The following MGAT4C variants were observed in gnomAD, a reference collection of about 807,000 sequenced individuals.
MGAT4C encodes alpha-1,3-mannosyl-glycoprotein 4-beta-N-acetylglucosaminyltransferase C.
Under a neutral mutation model 40.1 loss-of-function variants are expected in MGAT4C, and 19 were observed. The observed-to-expected ratio is 0.47, with a 90% CI of 0.33 to 0.70. The LOEUF (loss-of-function observed/expected upper bound fraction) is 0.70, where lower values mean the gene tolerates loss of function less well. Among genes scored for constraint, MGAT4C ranks in the 30% least tolerant of loss-of-function variants. MGAT4C has a pLI of 0.02. For synonymous variants in MGAT4C, 181 were observed against 187.1 expected (o/e 0.97, Z 0.27); for missense variants, 491 against 563.2 (o/e 0.87, Z 1.30).
At chr12:86,044,680 C>T (rs550629081) in intron 2 of MGAT4C, among the ~76,000 whole-genome samples, 1 of 152,190 alleles carries the variant, frequency 6.6e-6, no homozygotes, top group South Asian at 2.1e-4. Flanking sequence ...TGGTCAGGCA[C>T]AGTCAGCTGT....
intron 1 of MGAT4C, among the ~76,000 whole-genome samples, chr12:86,814,272 ACG>A: frequency 7.1e-5 from 8 of 113,120 alleles, no homozygotes; most frequent in Non-Finnish European, 1.5e-4. Flanking sequence ...ATATACATAT[ACG>A]TATATATATA....
intron 1 of MGAT4C, among the ~76,000 whole-genome samples, chr12:86,756,291 C>T (rs1394680606): frequency 6.6e-6 from 1 of 152,084 alleles, no homozygotes; most frequent in Non-Finnish European, 1.5e-5. Context: ...TCTCTGGTAT[C>T]TCTTCTTATA....
chr12:86,532,642 G>A (rs1959004172), intron 2 of MGAT4C, among the ~76,000 whole-genome samples: 2 of 151,976 alleles, frequency 1.3e-5, no homozygotes, highest in Admixed American at 6.6e-5. Flanking sequence ...TGTAAATTAA[G>A]GCAATAGTAT....
chr12:86,619,440 C>A (rs1239252657), intron 2 of MGAT4C, among the ~76,000 whole-genome samples: 1 of 152,004 alleles, frequency 6.6e-6, no homozygotes, highest in Non-Finnish European at 1.5e-5. Flanking sequence ...ATACTTGCAC[C>A]TCCACATAAT....
At chr12:86,240,287 T>C (rs1009148429) in intron 1 of MGAT4C, among the ~76,000 whole-genome samples, 3 of 151,784 alleles carry the variant, frequency 2.0e-5, no homozygotes, top group Non-Finnish European at 4.4e-5. Flanking sequence ...CCTCTCTAGA[T>C]ATATATGCCC....
intron 1 of MGAT4C, among the ~76,000 whole-genome samples, chr12:86,787,367 CATAA>C (rs1359533994): frequency 1.3e-5 from 2 of 151,996 alleles, no homozygotes; most frequent in Non-Finnish European, 2.9e-5. Flanking sequence ...TATGTGTATG[CATAA>C]ATAGTCTGTT....
At chr12:86,598,398 A>T (rs1050547881) in intron 2 of MGAT4C, among the ~76,000 whole-genome samples, 1 of 152,112 alleles carries the variant, frequency 6.6e-6, no homozygotes, top group Admixed American at 6.5e-5. Flanking sequence ...TATACATCAC[A>T]TTTAAGTATA....
intron 1 of MGAT4C, among the ~76,000 whole-genome samples, chr12:86,815,312 G>C (rs1026111432): frequency 3.9e-5 from 6 of 152,034 alleles, no homozygotes; most frequent in Non-Finnish European, 7.4e-5. Flanking sequence ...CCTTGCTCCT[G>C]TAAGAATGAC....
At chr12:86,520,588 C>T (rs1207127608) in intron 2 of MGAT4C, among the ~76,000 whole-genome samples, 1 of 152,144 alleles carries the variant, frequency 6.6e-6, no homozygotes, top group Non-Finnish European at 1.5e-5. Flanking sequence ...TGGGCATATA[C>T]TCAGTAATTG....
At chr12:86,755,921 T>A (rs954118179) in intron 1 of MGAT4C, among the ~76,000 whole-genome samples, 11 of 152,032 alleles carry the variant, frequency 7.2e-5, no homozygotes, top group Non-Finnish European at 1.0e-4. Context: ...ATGTTGGAGT[T>A]ACAGATGTGA....
chr12:86,655,358 G>A (rs562619614), intron 2 of MGAT4C, among the ~76,000 whole-genome samples: 2 of 152,164 alleles, frequency 1.3e-5, no homozygotes, highest in South Asian at 4.1e-4. Context: ...TGAATAATGT[G>A]TGTTTCACTG....
chr12:86,553,590 G>T (rs1959467262), intron 2 of MGAT4C, among the ~76,000 whole-genome samples: 1 of 151,930 alleles, frequency 6.6e-6, no homozygotes, highest in Non-Finnish European at 1.5e-5. Context: ...CTTTAAATTT[G>T]CACCCTCCAA....
At chr12:86,618,488 T>C (rs1242233352) in intron 2 of MGAT4C, among the ~76,000 whole-genome samples, 2 of 152,140 alleles carry the variant, frequency 1.3e-5, no homozygotes, top group Non-Finnish European at 2.9e-5. Context: ...TGAATACTAT[T>C]TGGTCATAAC....
chr12:86,630,923 G>A (rs1963015130), intron 2 of MGAT4C, among the ~76,000 whole-genome samples: 1 of 152,110 alleles, frequency 6.6e-6, no homozygotes. Context: ...GCAAGAGAAA[G>A]AAATAAAGCG....
intron 2 of MGAT4C, among the ~76,000 whole-genome samples, chr12:86,634,041 G>T (rs545082799): frequency 6.6e-6 from 1 of 151,946 alleles, no homozygotes; most frequent in African/African-American, 2.4e-5. Context: ...TAATTAAATG[G>T]AGCTTATTGT....
At position 86,275,532 on chromosome 12, in the gene MGAT4C, A is replaced by C. The variant is rs115788304; in HGVS notation, c.-57+58533T>G. ...ATGTTACCTTACTTGGCAAAAGGAA[A>C]GTTGCAAATATGATTAAGTCAAAGC... On this transcript the variant is annotated intron_variant, in intron 4 of 7. Coordinates refer to the MGAT4C transcript ENST00000548651. Among the ~76,000 whole-genome samples the C allele has an allele frequency of 1.3e-3, 202 of 152,304 alleles. 1 individual carries two copies. Among genetic ancestry groups the C allele is most frequent in the African/African-American group, 4.7e-3 (195 of 41,564 alleles).
At chr12:86,338,958 C>CAAAAAAA (rs67462771) in intron 3 of MGAT4C, among the ~76,000 whole-genome samples, 28 of 66,034 alleles carry the variant, frequency 4.2e-4, no homozygotes, top group Admixed American at 1.2e-3. Context: ...GACTCCATCT[C>CAAAAAAA]AAAAAAAAAA....
intron 3 of MGAT4C, among the ~76,000 whole-genome samples, chr12:86,382,625 C>G (rs1955959887): frequency 6.6e-6 from 1 of 152,156 alleles, no homozygotes; most frequent in Non-Finnish European, 1.5e-5. Context: ...TTCACAGGCC[C>G]AGGGGTTTAG....
At chr12:86,120,189 AG>A (rs1255301210) in intron 1 of MGAT4C, among the ~76,000 whole-genome samples, 2 of 148,312 alleles carry the variant, frequency 1.3e-5, no homozygotes, top group Non-Finnish European at 3.0e-5. Flanking sequence ...ATAAATATAA[AG>A]CAGATCACTT....
Sources: gnomAD v4.1 joint callset for allele counts (sites outside exome capture counted in the v4.1 genomes callset) on GRCh38, gnomAD v4.1.1 for gene constraint, MANE v1.5 for transcripts, NCBI Gene and HGNC (gene_info 2026-07-23, HGNC 2026-07-21) for gene names.